TAPBPL: variants seen among roughly 807,000 people sequenced by gnomAD.
TAPBPL encodes tapasin-related protein.
Under a neutral mutation model 44.8 loss-of-function variants are expected in TAPBPL, and 32 were observed. The ratio of observed to expected loss-of-function variants is 0.71; its 90% CI spans 0.54 to 0.96. TAPBPL has a LOEUF of 0.96. TAPBPL is among the 40% of genes least tolerant of loss of function. TAPBPL has a pLI of 0.00. For synonymous variants in TAPBPL, 230 were observed against 240.7 expected (o/e 0.96, Z 0.41); for missense variants, 520 against 586.6 (o/e 0.89, Z 1.17).
downstream of TAPBPL, chr12:6,464,331 G>A (rs767529902): frequency 6.0e-5 from 93 of 1,549,258 alleles, no homozygotes; most frequent in Admixed American, 9.8e-5. Flanking sequence ...TGAACGCAAC[G>A]AAAAAGGAGG....
At chr12:6,455,339 C>G (rs1949675192) in intron 3 of TAPBPL, among the ~76,000 whole-genome samples, 1 of 152,160 alleles carries the variant, frequency 6.6e-6, no homozygotes, top group South Asian at 2.1e-4. Flanking sequence ...AGGATGTAAT[C>G]CTTCATAGTT....
chr12:6,465,693 G>A (rs569818755), downstream of TAPBPL: 95 of 1,137,638 alleles, frequency 8.4e-5, no homozygotes, highest in Non-Finnish European at 1.1e-4. Flanking sequence ...GCAATCTCAA[G>A]AGGAGGCTTT....
chr12:6,462,110 C>G lies in TAPBPL; in HGVS notation c.1368C>G (p.Leu456=), dbSNP rs1949885016. Reference sequence around the variant, plus strand: ...GTGCTGACACACAGAGCTCCCATCTCCATGAAGACCGCACAGCGCGTGTAA... The same window carrying G: ...GTGCTGACACACAGAGCTCCCATCTGCATGAAGACCGCACAGCGCGTGTAA... ...TSCADTQSSH[L]HEDRTARVSQ... Residue 456 remains leucine (L), a synonymous_variant, in exon 7 of 7, where the codon CTC becomes CTG. Transcript: ENST00000266556. The G allele has an allele frequency of 6.2e-7, 1 of 1,613,392 alleles. No individual in the cohort carries two copies. Among genetic ancestry groups the G allele is most frequent in the Non-Finnish European group, 8.5e-7 (1 of 1,179,406 alleles).
At position 6,462,098 on chromosome 12, in the gene TAPBPL, G is replaced by A; in HGVS notation, c.1356G>A (p.Gln452=). 1.2e-6 allele frequency: 2 copies of A among 1,613,764 alleles called. No homozygotes were observed. The highest frequency in any genetic ancestry group is 1.7e-6 in the Non-Finnish European group (2 of 1,179,720). ...RWETTSCADT[Q]SSHLHEDRTA... is the part of the protein sequence containing the mutation. ...AGACCACTTCCTGTGCTGACACACAGAGCTCCCATCTCCATGAAGACCGCA... is the reference window on the plus strand; with the variant it reads ...AGACCACTTCCTGTGCTGACACACAAAGCTCCCATCTCCATGAAGACCGCA... The change falls in exon 7 of 7, where the codon CAG becomes CAA. Residue 452 remains glutamine, a synonymous_variant. Transcript: ENST00000266556.
At chr12:6,471,229 C>T (rs915662111), downstream of TAPBPL, among the ~76,000 whole-genome samples, 1 of 152,198 alleles carries the variant, frequency 6.6e-6, no homozygotes, top group South Asian at 2.1e-4. The surrounding 1 kb of genome is among the most constrained non-coding windows in gnomAD (Gnocchi z 4.0). Context: ...GGGGTTCCGT[C>T]CCACCAAAGC....
chr12:6,467,068 C>T (rs574483033), downstream of TAPBPL: 26 of 176,018 alleles, frequency 1.5e-4, no homozygotes, highest in East Asian at 1.5e-3. Context: ...TTTCACCTGC[C>T]GCCATGATTC....
Position 6,452,141 on chromosome 12 carries a change from A to T in TAPBPL, c.-108A>T. On this transcript the variant is annotated 5_prime_UTR_variant, in exon 1 of 7. Transcript: ENST00000266556. Reference sequence around the variant, plus strand: ...AACAGGGAAGAAACCTAAAGGCTGCAGGCTGCCAGGTGTGCTTGGAGAGCC... The same window carrying T: ...AACAGGGAAGAAACCTAAAGGCTGCTGGCTGCCAGGTGTGCTTGGAGAGCC... 1.5e-6 allele frequency: 2 copies of T among 1,328,704 alleles called. No homozygotes were observed. The highest frequency in any genetic ancestry group is 2.5e-5 in the South Asian group (2 of 78,838). 82.3% of individuals were successfully genotyped at this position (1,328,704 alleles called of 1,614,324 possible).
intron 4 of TAPBPL, 35 bp downstream of exon 4, chr12:6,457,779 AT>A: frequency 2.0e-6 from 3 of 1,515,000 alleles, no homozygotes; most frequent in Non-Finnish European, 2.7e-6. Context: ...AGGGAAGGGG[AT>A]ATAACATGTC....
chr12:6,456,844 G>T (rs1373354465), intron 3 of TAPBPL, among the ~76,000 whole-genome samples: 1 of 151,996 alleles, frequency 6.6e-6, no homozygotes, highest in Non-Finnish European at 1.5e-5. Context: ...GTAGAGACAG[G>T]GTTTTACCAT....
Position 6,458,573 on chromosome 12 carries a change from G to T in TAPBPL, c.905-72G>T, listed in dbSNP as rs1003953656. On this transcript the variant is annotated intron_variant, in intron 4 of 6. Coordinates refer to ENST00000266556, the MANE Select transcript of TAPBPL (RefSeq NM_018009.5). ...CAATCTACTCTCATCTTGGCAGGAA[G>T]AAAAGGCTTCAGGCTCCTCCGCTGT... is the stretch of plus-strand genomic sequence containing the variant. The T allele has an allele frequency of 3.2e-5, 50 of 1,546,828 alleles. No homozygotes were observed. In the East Asian group the frequency reaches 1.1e-3, roughly 33 times the overall value.
the TAPBPL span, among the ~76,000 whole-genome samples, chr12:6,471,643 C>A: frequency 6.6e-6 from 1 of 152,190 alleles, no homozygotes; most frequent in African/African-American, 2.4e-5. This position sits in a 1 kb window ranked among gnomAD's most constrained non-coding sequence, Gnocchi z 4.0. Context: ...GCCTGGCCAA[C>A]ATGGCGAAAC....
At position 6,453,858 on chromosome 12, in the gene TAPBPL, T is replaced by A; in HGVS notation, c.565+142T>A. On this transcript the variant is annotated intron_variant, in intron 3 of 6. Coordinates refer to ENST00000266556, the MANE Select transcript of TAPBPL (RefSeq NM_018009.5). The surrounding 1 kb of genome is among the most constrained non-coding windows in gnomAD (Gnocchi z 4.8). ...CACGGTGAAACCCCGTCTCTACTAA[T>A]ACCAAAATTAGCCGGGCATGGTGGC... 1 of 1,133,016 alleles carries A rather than the reference T, an allele frequency of 8.8e-7. No homozygotes were observed. The allele number at this position is 1,133,016 out of a possible 1,614,324, so 70.2% of individuals were successfully genotyped here.
At chr12:6,465,489 G>GTGTGTGTA (rs1555130321), downstream of TAPBPL, among the ~76,000 whole-genome samples, 1 of 140,788 alleles carries the variant, frequency 7.1e-6, no homozygotes, top group East Asian at 2.2e-4. Context: ...GTGTGTGTGT[G>GTGTGTGTA]TGTATGTATA....
At chr12:6,471,752 G>A in the TAPBPL span, among the ~76,000 whole-genome samples, 1 of 152,044 alleles carries the variant, frequency 6.6e-6, no homozygotes, top group Admixed American at 6.5e-5. This position sits in a 1 kb window ranked among gnomAD's most constrained non-coding sequence, Gnocchi z 4.0. Flanking sequence ...GCTTGAAGCC[G>A]GGAGCCGACG....
At position 6,457,413 on chromosome 12, in the gene TAPBPL, C is replaced by T; in HGVS notation, c.573C>T (p.Phe191=). The part of the protein sequence containing the change: ...PQGTVRTAVE[F]QVMTQTQSLS... Reference sequence around the variant, plus strand: ...CTCTTTTCCTCTTCACAGTGGAGTTCCAGGTGATGACACAGACCCAATCCC... The same window carrying T: ...CTCTTTTCCTCTTCACAGTGGAGTTTCAGGTGATGACACAGACCCAATCCC... The change falls in exon 4 of 7, where the codon TTC becomes TTT. Residue 191 remains phenylalanine (F), a synonymous_variant. Coordinates refer to ENST00000266556, the MANE Select transcript of TAPBPL (RefSeq NM_018009.5). The T allele has an allele frequency of 6.2e-7, 1 of 1,613,270 alleles. No homozygotes were observed. Among genetic ancestry groups the T allele is most frequent in the Non-Finnish European group, 8.5e-7 (1 of 1,179,394 alleles).
At chr12:6,462,771 GGA>G (rs1226178252), downstream of TAPBPL, 2 of 1,533,450 alleles carry the variant, frequency 1.3e-6, no homozygotes, top group Non-Finnish European at 1.8e-6. Context: ...GGAGCCCAGA[GGA>G]GAGTGGAGAC....
chr12:6,454,024 AAAAG>A (rs1949638147), intron 3 of TAPBPL, among the ~76,000 whole-genome samples: 1 of 151,828 alleles, frequency 6.6e-6, no homozygotes, highest in Admixed American at 6.6e-5. Context: ...TCAAAAAAAA[AAAAG>A]AAAAGAAAAG....
chr12:6,470,716 C>A, downstream of TAPBPL: 1 of 702,304 alleles, frequency 1.4e-6, no homozygotes, highest in South Asian at 1.7e-5. Context: ...TTAGTGCTGA[C>A]CACGCCTCCC....
chr12:6,464,617 C>T (rs867395092), downstream of TAPBPL: 33 of 1,457,000 alleles, frequency 2.3e-5, 1 homozygote, highest in South Asian at 4.1e-4. Context: ...CATGGTCTCC[C>T]TCCAACCCAA....
Sources: allele counts gnomAD v4.1 joint callset (sites outside exome capture counted in the v4.1 genomes callset), GRCh38; gene constraint gnomAD v4.1.1; non-coding constraint Gnocchi (gnomAD v3.1); transcripts MANE v1.5; gene names NCBI Gene and HGNC (gene_info 2026-07-23, HGNC 2026-07-21).